Variants in RGS5 observed in about 807,000 individuals in gnomAD.
RGS5 encodes regulator of G-protein signalling 5.
In RGS5, 20 loss-of-function variants were observed where a neutral mutation model predicts 18.9. That is an observed-to-expected ratio of 1.06 (90% CI 0.74 to 1.54). RGS5 has a LOEUF of 1.54. Ranked by LOEUF, RGS5 falls within the 40% of genes most tolerant of loss-of-function variation. The probability of loss-of-function intolerance (pLI) is 0.00; values close to 1 mark genes in which losing one functional copy is unlikely to be tolerated. For synonymous variants in RGS5, 57 were observed against 76.2 expected (o/e 0.75, Z 1.31); for missense variants, 201 against 211.8 (o/e 0.95, Z 0.32).
At chr1:163,161,631 C>A in intron 3 of RGS5, 1 of 296,340 alleles carries the variant, frequency 3.4e-6, no homozygotes. Context: ...GAGGTCAAGC[C>A]ACTTGTTCTG....
intron 2 of RGS5, among the ~76,000 whole-genome samples, chr1:163,253,472 CTTTTT>C (rs35268118): frequency 7.3e-6 from 1 of 137,716 alleles, no homozygotes; most frequent in Non-Finnish European, 1.6e-5. Context: ...CCATGCCCAA[CTTTTT>C]TTTTTTTTTT....
At chr1:163,288,957 A>G (rs894690636) in intron 2 of RGS5, among the ~76,000 whole-genome samples, 15 of 152,244 alleles carry the variant, frequency 9.9e-5, no homozygotes, top group African/African-American at 3.6e-4. Context: ...CCTTCTTGGT[A>G]TATGTTGGTA....
At chr1:163,223,059 G>A (rs1171539806) in intron 2 of RGS5, among the ~76,000 whole-genome samples, 1 of 109,582 alleles carries the variant, frequency 9.1e-6, no homozygotes, top group Non-Finnish European at 1.7e-5. Flanking sequence ...TGGTCAGGCT[G>A]GTCTCAAACT....
intron 2 of RGS5, among the ~76,000 whole-genome samples, chr1:163,298,957 G>A (rs1374521600): frequency 6.6e-6 from 1 of 152,156 alleles, no homozygotes. Flanking sequence ...TGCCTTTAGA[G>A]AACAATCAAA....
chr1:163,188,685 C>T (rs1214438696), intron 1 of RGS5, among the ~76,000 whole-genome samples: 2 of 152,090 alleles, frequency 1.3e-5, no homozygotes, highest in Non-Finnish European at 2.9e-5. Flanking sequence ...TGTGGCTGGG[C>T]GTAGTGGCTC....
chr1:163,152,635 T>C lies in RGS5; in HGVS notation c.299A>G (p.Tyr100Cys). The change falls in exon 4 of 5, where the codon TAC (tyrosine) becomes TGC (cysteine). Residue 100 changes from tyrosine (Y) to cysteine (C), a missense_variant. Coordinates refer to ENST00000313961, the MANE Select transcript of RGS5 (RefSeq NM_003617.4). The part of the protein sequence containing the change: ...NLEFWIACED[Y>C]KKIKSPAKMA... ...CTTGGCAGGGGACTTGATCTTCTTGTAATCCTCACAGGCAATCCAGAACTC... is the reference window on the plus strand; with the variant it reads ...CTTGGCAGGGGACTTGATCTTCTTGCAATCCTCACAGGCAATCCAGAACTC... 5.6e-6 allele frequency: 9 copies of C among 1,613,240 alleles called. No homozygotes were observed. Among genetic ancestry groups the C allele is most frequent in the Non-Finnish European group, 7.6e-6 (9 of 1,179,472 alleles).
chr1:163,265,101 C>T (rs1192762299), intron 2 of RGS5, among the ~76,000 whole-genome samples: 1 of 152,132 alleles, frequency 6.6e-6, no homozygotes, highest in African/African-American at 2.4e-5. Flanking sequence ...ATCCTTTCAC[C>T]ATCACTGCTT....
chr1:163,260,106 AATTCAG>A (rs1648390570), intron 2 of RGS5: 1 of 152,238 alleles, frequency 6.6e-6, no homozygotes, highest in Admixed American at 6.5e-5. Context: ...AGGGATATAG[AATTCAG>A]ATTCAAAGCC....
intron 2 of RGS5, among the ~76,000 whole-genome samples, chr1:163,254,938 G>T (rs1648229515): frequency 6.6e-6 from 1 of 151,810 alleles, no homozygotes; most frequent in Non-Finnish European, 1.5e-5. Flanking sequence ...TCTCAGGTTT[G>T]TCAAAGATCA....
At chr1:163,197,296 CTTCT>C (rs1419916223) in intron 1 of RGS5, among the ~76,000 whole-genome samples, 1 of 152,048 alleles carries the variant, frequency 6.6e-6, no homozygotes, top group Non-Finnish European at 1.5e-5. Context: ...GATGGCCTTC[CTTCT>C]CTCTCCTCTT....
At chr1:163,182,508 T>C (rs1203977458) in intron 1 of RGS5, among the ~76,000 whole-genome samples, 2 of 152,202 alleles carry the variant, frequency 1.3e-5, no homozygotes, top group Admixed American at 6.5e-5. Context: ...GGGCTGTCTC[T>C]GACATGCTAT....
At chr1:163,163,067 T>A (rs1318996423) in intron 2 of RGS5, among the ~76,000 whole-genome samples, 1 of 151,856 alleles carries the variant, frequency 6.6e-6, no homozygotes, top group Non-Finnish European at 1.5e-5. Flanking sequence ...ATTATTCAGA[T>A]TTGCAGCTTT....
chr1:163,226,442 C>G (rs1647337620), intron 2 of RGS5, among the ~76,000 whole-genome samples: 1 of 152,068 alleles, frequency 6.6e-6, no homozygotes, highest in Non-Finnish European at 1.5e-5. Flanking sequence ...GCCCCATGGA[C>G]CTGTAGCCCA....
At chr1:163,313,464 G>C (rs945929193) in intron 1 of RGS5, among the ~76,000 whole-genome samples, 4 of 152,156 alleles carry the variant, frequency 2.6e-5, no homozygotes, top group African/African-American at 9.7e-5. Context: ...GAAAGAAAGG[G>C]ATGGGAGAGA....
chr1:163,233,339 A>G (rs10917704), intron 2 of RGS5, among the ~76,000 whole-genome samples: 62,264 of 152,118 alleles, frequency 0.41, 12,979 homozygotes, highest in Non-Finnish European at 0.44. Context: ...AATTAATGTG[A>G]TCTGTAATAA....
intron 1 of RGS5, among the ~76,000 whole-genome samples, chr1:163,320,654 A>G (rs1420338649): frequency 6.6e-6 from 1 of 152,168 alleles, no homozygotes; most frequent in Non-Finnish European, 1.5e-5. Context: ...CACTGACTCT[A>G]ATATTTTTTT....
At chr1:163,240,192 A>C (rs1157587214) in intron 2 of RGS5, among the ~76,000 whole-genome samples, 3 of 152,160 alleles carry the variant, frequency 2.0e-5, no homozygotes, top group Non-Finnish European at 4.4e-5. Context: ...TATAGTCAGA[A>C]ATTAGAATCC....
chr1:163,169,927 C>T, intron 1 of RGS5, among the ~76,000 whole-genome samples: 1 of 152,144 alleles, frequency 6.6e-6, no homozygotes, highest in East Asian at 1.9e-4. Flanking sequence ...GCAGAATTTA[C>T]TGCTTCTTTG....
rs191604587 is a variant in RGS5 at position 163,143,745 on chromosome 1, A to C, written c.*3597T>G. The stretch of plus-strand genomic sequence containing the variant: ...CTAGGGAGAACAGTTTCAATAATGA[A>C]AATCATTTCTCTGAAATATAACTAG... On this transcript the variant is annotated 3_prime_UTR_variant, in exon 5 of 5. Coordinates refer to ENST00000313961, the MANE Select transcript of RGS5 (RefSeq NM_003617.4). 3.2e-3 allele frequency: 493 copies of C among 152,314 alleles called. 2 individuals carry two copies. The highest frequency in any genetic ancestry group is 0.011 in the African/African-American group (471 of 41,584). The allele number at this position is 152,314 out of a possible 1,614,324, so 9.4% of individuals were successfully genotyped here.
Sources: allele counts gnomAD v4.1 joint callset (sites outside exome capture counted in the v4.1 genomes callset), GRCh38; gene constraint gnomAD v4.1.1; transcripts MANE v1.5; gene names NCBI Gene and HGNC (gene_info 2026-07-23, HGNC 2026-07-21).